Variants in SETBP1 observed in about 807,000 individuals in gnomAD.
SETBP1 encodes SET binding protein 1.
Under a neutral mutation model 101.0 loss-of-function variants are expected in SETBP1, and 9 were observed. The observed-to-expected ratio is 0.09, with a 90% CI of 0.05 to 0.16. The LOEUF (loss-of-function observed/expected upper bound fraction) is 0.16. Among genes scored for constraint, SETBP1 ranks in the 10% least tolerant of loss-of-function variants. The pLI is 1.00. For missense variants in SETBP1, 1,858 were observed against 2,033.8 expected, an observed-to-expected ratio of 0.91 and a Z score of 1.66; for synonymous variants, 818 against 788.5, an observed-to-expected ratio of 1.04 and a Z score of -0.63.
At chr18:44,733,378 C>A (rs748895205) in intron 2 of SETBP1, 2 of 152,206 alleles carry the variant, frequency 1.3e-5, no homozygotes, top group African/African-American at 4.8e-5. Context: ...GACGACCTGT[C>A]GGTTCTATTA....
At position 44,682,657 on chromosome 18, in the gene SETBP1, G is replaced by A. The variant is rs193118109; in HGVS notation, c.-173+1636G>A. 1.6e-3 allele frequency among the ~76,000 whole-genome samples: 250 copies of A among 152,280 alleles called. 1 individual carries two copies. Among genetic ancestry groups the A allele is most frequent in the African/African-American group, 5.7e-3 (236 of 41,548 alleles). On this transcript the variant is annotated intron_variant, in intron 1 of 5. Transcript: ENST00000649279. ...AAAGGGTATTAAGACAGAGTGTTTG[G>A]GGGAAAGTCGGAAGAGGAGGAAGAA...
At chr18:44,840,101 T>C (rs2072586285) in intron 2 of SETBP1, among the ~76,000 whole-genome samples, 1 of 152,024 alleles carries the variant, frequency 6.6e-6, no homozygotes, top group African/African-American at 2.4e-5. Context: ...GTTCATGATT[T>C]AGGGACAGAG....
chr18:44,809,642 T>A (rs529082247), intron 2 of SETBP1, among the ~76,000 whole-genome samples: 1 of 152,284 alleles, frequency 6.6e-6, no homozygotes, highest in East Asian at 1.9e-4. Flanking sequence ...ACAGATGATG[T>A]TGTTCTTTTA....
At chr18:44,808,999 C>T (rs548358930) in intron 2 of SETBP1, among the ~76,000 whole-genome samples, 1 of 152,154 alleles carries the variant, frequency 6.6e-6, no homozygotes, top group Non-Finnish European at 1.5e-5. Context: ...GCAGCAGAAT[C>T]CTGAAAGGTA....
chr18:44,956,515 C>G lies in SETBP1; in HGVS notation c.4000+3175C>G, dbSNP rs140811809. ...GATTGGAAATAAGCACCTGCACTTT[C>G]TACAACTTCTCTCCCTCCACCTTTT... On this transcript the variant is annotated intron_variant, in intron 4 of 5. Transcript: ENST00000649279. 2.1e-3 allele frequency among the ~76,000 whole-genome samples: 313 copies of G among 152,278 alleles called. 1 individual carries two copies. Among genetic ancestry groups the G allele is most frequent in the African/African-American group, 7.1e-3 (295 of 41,556 alleles).
chr18:44,788,811 T>C (rs1264470783), intron 2 of SETBP1, among the ~76,000 whole-genome samples: 3 of 145,158 alleles, frequency 2.1e-5, no homozygotes, highest in Non-Finnish European at 4.5e-5. Flanking sequence ...TTTTTTTTTT[T>C]TTTGGAGACA....
At chr18:45,033,418 A>G (rs1410024100) in intron 4 of SETBP1, among the ~76,000 whole-genome samples, 1 of 152,172 alleles carries the variant, frequency 6.6e-6, no homozygotes, top group Non-Finnish European at 1.5e-5. Flanking sequence ...TGTCCTCCAC[A>G]GGGATGCTGC....
At chr18:45,036,911 T>G (rs982647388) in intron 4 of SETBP1, among the ~76,000 whole-genome samples, 1 of 152,234 alleles carries the variant, frequency 6.6e-6, no homozygotes, top group African/African-American at 2.4e-5. Flanking sequence ...CCTGGAAACT[T>G]CCAGCTTTGA....
At chr18:44,973,233 G>C (rs1456141767) in intron 4 of SETBP1, among the ~76,000 whole-genome samples, 1 of 152,158 alleles carries the variant, frequency 6.6e-6, no homozygotes, top group Non-Finnish European at 1.5e-5. Flanking sequence ...AAGCCCACTT[G>C]ATCATGGTGG....
intron 2 of SETBP1, among the ~76,000 whole-genome samples, chr18:44,779,559 C>T (rs760482748): frequency 6.6e-6 from 1 of 151,860 alleles, no homozygotes; most frequent in Non-Finnish European, 1.5e-5. Context: ...TGGGGACAAA[C>T]AGTTGGCAGG....
At chr18:45,054,245 T>C (rs899226773) in intron 5 of SETBP1, among the ~76,000 whole-genome samples, 1 of 152,058 alleles carries the variant, frequency 6.6e-6, no homozygotes, top group Non-Finnish European at 1.5e-5. Flanking sequence ...TGGAGTACAG[T>C]GGCACAATCT....
chr18:44,810,071 A>G (rs1471789981), intron 2 of SETBP1, among the ~76,000 whole-genome samples: 1 of 152,194 alleles, frequency 6.6e-6, no homozygotes, highest in Non-Finnish European at 1.5e-5. Flanking sequence ...TGCATTTATT[A>G]GAAAGTAAAG....
chr18:44,755,435 G>A (rs913901336), intron 2 of SETBP1, among the ~76,000 whole-genome samples: 1 of 152,154 alleles, frequency 6.6e-6, no homozygotes, highest in Non-Finnish European at 1.5e-5. Flanking sequence ...AGGAGGAACA[G>A]AGATACTCAG....
intron 2 of SETBP1, among the ~76,000 whole-genome samples, chr18:44,823,807 AC>A (rs2072170878): frequency 6.6e-6 from 1 of 152,130 alleles, no homozygotes; most frequent in Non-Finnish European, 1.5e-5. Context: ...AAATGATTTT[AC>A]TCCTTTCATT....
intron 4 of SETBP1, among the ~76,000 whole-genome samples, chr18:45,030,604 A>G (rs2073274853): frequency 6.7e-6 from 1 of 150,198 alleles, no homozygotes. Context: ...TCCTCCTTGT[A>G]CCTCCGGTGG....
chr18:44,698,519 C>T (rs2069058214), intron 1 of SETBP1, among the ~76,000 whole-genome samples: 1 of 152,182 alleles, frequency 6.6e-6, no homozygotes, highest in Non-Finnish European at 1.5e-5. Context: ...CATAATCCTG[C>T]ACACGCCTGC....
At chr18:44,919,184 A>G (rs1356000049) in intron 3 of SETBP1, among the ~76,000 whole-genome samples, 2 of 152,206 alleles carry the variant, frequency 1.3e-5, no homozygotes, top group East Asian at 1.9e-4. Flanking sequence ...TTGAACAAAA[A>G]TATAATACAT....
chr18:44,737,193 A>G (rs1779458010), intron 2 of SETBP1, among the ~76,000 whole-genome samples: 1 of 152,212 alleles, frequency 6.6e-6, no homozygotes, highest in Non-Finnish European at 1.5e-5. Flanking sequence ...TTTGTCTGGG[A>G]CAGGCCTCCT....
rs368707990 is a variant in SETBP1 at position 44,862,861 on chromosome 18, G to A, written c.487-6369G>A. Among the ~76,000 whole-genome samples, 628 of 152,244 alleles carry A rather than the reference G, an allele frequency of 4.1e-3. 7 individuals are homozygous for A. Among genetic ancestry groups the A allele is most frequent in the African/African-American group, 0.014 (601 of 41,552 alleles). Reference sequence around the variant, plus strand: ...GTGAGAGGGATGCTTTAGGGTGCTGGCAGGGTAGGGCCAAAGGGAAAATGA... The same window carrying A: ...GTGAGAGGGATGCTTTAGGGTGCTGACAGGGTAGGGCCAAAGGGAAAATGA... On this transcript the variant is annotated intron_variant, in intron 2 of 5. Transcript: ENST00000649279.
Sources: allele counts gnomAD v4.1 joint callset (sites outside exome capture counted in the v4.1 genomes callset), GRCh38; gene constraint gnomAD v4.1.1; transcripts MANE v1.5; gene names NCBI Gene and HGNC (gene_info 2026-07-23, HGNC 2026-07-21).